MTHFD1L: variants seen among roughly 807,000 people sequenced by gnomAD.
MTHFD1L encodes monofunctional C1-tetrahydrofolate synthase, mitochondrial.
A neutral mutation model predicts 119.5 loss-of-function variants in MTHFD1L; 81 were observed. The observed-to-expected ratio is 0.68, with a 90% confidence interval of 0.57 to 0.82. The LOEUF (loss-of-function observed/expected upper bound fraction) is 0.82. MTHFD1L is among the 40% of genes least tolerant of loss of function. MTHFD1L has a pLI of 0.00. For synonymous variants in MTHFD1L, 430 were observed against 475.2 expected (o/e 0.90, Z 1.24); for missense variants, 1,125 against 1,253.4 (o/e 0.90, Z 1.55).
At chr6:151,096,923 G>A (rs1310872510) in intron 27 of MTHFD1L, among the ~76,000 whole-genome samples, 2 of 152,170 alleles carry the variant, frequency 1.3e-5, no homozygotes, top group African/African-American at 4.8e-5. Flanking sequence ...CTTCTCTGTA[G>A]TGCCTTCACT....
chr6:150,986,774 G>A (rs567525363), intron 20 of MTHFD1L, among the ~76,000 whole-genome samples: 19 of 152,012 alleles, frequency 1.2e-4, no homozygotes, highest in Non-Finnish European at 1.6e-4. Flanking sequence ...GCACAATATC[G>A]GCTCACCACA....
chr6:150,983,052 A>T (rs1347821055), intron 20 of MTHFD1L, among the ~76,000 whole-genome samples: 2 of 152,128 alleles, frequency 1.3e-5, no homozygotes, highest in African/African-American at 2.4e-5. Flanking sequence ...ATGGTAGTTC[A>T]TTATAGTTGT....
intron 1 of MTHFD1L, among the ~76,000 whole-genome samples, chr6:150,868,257 A>G (rs1011174745): frequency 6.6e-6 from 1 of 152,184 alleles, no homozygotes; most frequent in Admixed American, 6.5e-5. Context: ...TATGGAAACA[A>G]TTATGTGAGA....
chr6:150,920,795 C>T (rs1468259964), intron 9 of MTHFD1L, among the ~76,000 whole-genome samples: 5 of 151,700 alleles, frequency 3.3e-5, no homozygotes, highest in East Asian at 3.8e-4. Context: ...TTATTTGAGA[C>T]GGGGTCTCAC....
chr6:150,949,789 A>C (rs145230531), intron 16 of MTHFD1L, among the ~76,000 whole-genome samples: 2 of 152,216 alleles, frequency 1.3e-5, no homozygotes, highest in African/African-American at 2.4e-5. Flanking sequence ...ACTAAACAGG[A>C]AGTTAGGAGC....
intron 26 of MTHFD1L, among the ~76,000 whole-genome samples, chr6:151,060,487 G>GCTGA (rs1790483290): frequency 6.6e-6 from 1 of 152,212 alleles, no homozygotes; most frequent in African/African-American, 2.4e-5. Flanking sequence ...AGCTGAAAGA[G>GCTGA]CTGACGTCTG....
chr6:150,934,890 C>T, intron 11 of MTHFD1L: 1 of 1,497,704 alleles, frequency 6.7e-7, no homozygotes, highest in Non-Finnish European at 8.9e-7. Flanking sequence ...AGTCTTATAG[C>T]TGGATCAGCT....
Position 150,877,283 on chromosome 6 carries a change from G to C in MTHFD1L, c.313-351G>C, listed in dbSNP as rs1214487618. Among the ~76,000 whole-genome samples the C allele has an allele frequency of 2.0e-5, 3 of 152,126 alleles. No individual in the cohort carries two copies. In the East Asian group the frequency reaches 5.8e-4, roughly 29 times the overall value. ...GCCCAGGCTGGTCTCGAACTCCTGGGCTCAAGCAATCCACCGCCTCAGCCT... is the reference window on the plus strand; with the variant it reads ...GCCCAGGCTGGTCTCGAACTCCTGGCCTCAAGCAATCCACCGCCTCAGCCT... On this transcript the variant is annotated intron_variant, in intron 2 of 27. Transcript: ENST00000367321.
intron 26 of MTHFD1L, among the ~76,000 whole-genome samples, chr6:151,070,087 C>T (rs903970695): frequency 3.9e-5 from 6 of 152,140 alleles, no homozygotes; most frequent in Non-Finnish European, 7.4e-5. Context: ...AGATACATCA[C>T]GTCTCCAAGA....
At chr6:151,045,522 T>C (rs6925546) in intron 26 of MTHFD1L, among the ~76,000 whole-genome samples, 127,089 of 152,232 alleles carry the variant, frequency 0.83, 53,290 homozygotes, top group East Asian at 0.93. Context: ...TGCTCCTGGG[T>C]CCTGGTTTGG....
intron 26 of MTHFD1L, among the ~76,000 whole-genome samples, chr6:151,064,746 G>A (rs17354302): frequency 0.045 from 6,812 of 151,958 alleles, 222 homozygotes; most frequent in Non-Finnish European, 0.066. Context: ...TTTCAAGGTA[G>A]CAAGTGTTTG....
intron 7 of MTHFD1L, among the ~76,000 whole-genome samples, chr6:150,893,891 G>C (rs138310681): frequency 6.6e-6 from 1 of 152,238 alleles, no homozygotes; most frequent in African/African-American, 2.4e-5. Context: ...CTGTTCCCTC[G>C]CGTAGAAAGG....
intron 7 of MTHFD1L, among the ~76,000 whole-genome samples, chr6:150,894,125 C>G (rs116855224): frequency 0.053 from 7,991 of 152,140 alleles, 237 homozygotes; most frequent in Middle Eastern, 0.096. Context: ...GTCCCAGGTA[C>G]TTTGGAGGCT....
chr6:151,101,278 T>C (rs13212150), intron 27 of MTHFD1L, among the ~76,000 whole-genome samples: 38,932 of 152,158 alleles, frequency 0.26, 5,304 homozygotes, highest in Middle Eastern at 0.39. Flanking sequence ...AGTAAATCTC[T>C]TGGGAAGTTT....
At chr6:150,991,016 C>T (rs1778992064) in intron 20 of MTHFD1L, among the ~76,000 whole-genome samples, 1 of 152,100 alleles carries the variant, frequency 6.6e-6, no homozygotes, top group Non-Finnish European at 1.5e-5. Flanking sequence ...GCCACCATGC[C>T]TGGCTAATTT....
At chr6:151,090,571 CCT>C (rs144761521) in intron 26 of MTHFD1L, among the ~76,000 whole-genome samples, 8,649 of 152,278 alleles carry the variant, frequency 0.057, 833 homozygotes, top group African/African-American at 0.2. Flanking sequence ...AAGAGGGAAA[CCT>C]CGAGTCACGA....
intron 26 of MTHFD1L, among the ~76,000 whole-genome samples, chr6:151,038,769 A>G (rs1410882516): frequency 2.0e-5 from 3 of 152,076 alleles, no homozygotes; most frequent in Non-Finnish European, 4.4e-5. Context: ...GTGGGGGTGA[A>G]TTGCAGACAT....
At chr6:150,959,217 C>T in intron 17 of MTHFD1L, 1 of 984,004 alleles carries the variant, frequency 1.0e-6, no homozygotes, top group Non-Finnish European at 1.2e-6. Context: ...AGCCAGAAAG[C>T]TCCTTATTTC....
chr6:150,960,446 A>G lies in MTHFD1L; in HGVS notation c.1944+31A>G, dbSNP rs750862942. 1.9e-6 allele frequency: 3 copies of G among 1,583,594 alleles called. No individual in the cohort carries two copies. The African/African-American group carries it at 4.0e-5, about 21-fold the overall frequency. On this transcript the variant is annotated intron_variant, in intron 18 of 27. Coordinates refer to ENST00000367321, the MANE Select transcript of MTHFD1L (RefSeq NM_015440.5). ...TGTTTCCAACTCGGAAGCTTCAGGGAGTGGACGGTCCTCGTTCTTCGTTAC... is the reference window on the plus strand; with the variant it reads ...TGTTTCCAACTCGGAAGCTTCAGGGGGTGGACGGTCCTCGTTCTTCGTTAC...
Sources: allele counts gnomAD v4.1 joint callset (sites outside exome capture counted in the v4.1 genomes callset), GRCh38; gene constraint gnomAD v4.1.1; transcripts MANE v1.5; gene names NCBI Gene and HGNC (gene_info 2026-07-23, HGNC 2026-07-21).